Variants in CRIM1 observed in about 807,000 individuals in gnomAD.
The protein encoded by CRIM1 is cysteine rich transmembrane BMP regulator 1, also known as cysteine-rich motor neuron 1 protein.
In CRIM1, 32 loss-of-function variants were observed where a neutral mutation model predicts 116.4. That is an observed-to-expected ratio of 0.27 (90% CI 0.21 to 0.37). The LOEUF is 0.37. CRIM1 is among the 10% of genes least tolerant of loss of function. The probability of loss-of-function intolerance (pLI) is 1.00; values close to 1 mark genes in which losing one functional copy is unlikely to be tolerated. For synonymous variants in CRIM1, 590 were observed against 509.2 expected, an observed-to-expected ratio of 1.16 and a Z score of -2.13; for missense variants, 1,331 against 1,354.8, an observed-to-expected ratio of 0.98 and a Z score of 0.28.
chr2:36,356,662 G>T lies in CRIM1; in HGVS notation c.331+39G>T. 1 of 1,564,420 alleles carries T rather than the reference G, an allele frequency of 6.4e-7. No individual in the cohort carries two copies. Among genetic ancestry groups the T allele is most frequent in the Non-Finnish European group, 8.7e-7 (1 of 1,155,602 alleles). On this transcript the variant is annotated intron_variant, in intron 1 of 16. Coordinates refer to ENST00000280527, the MANE Select transcript of CRIM1 (RefSeq NM_016441.3). The surrounding 1 kb of genome is among the most constrained non-coding windows in gnomAD (Gnocchi z 4.3). Reference sequence around the variant, plus strand: ...CTGCGGGCCCCCTCCCACCTGGCCTGCGCCGCCCCCTCGGCGCTGGTTGTG... The same window carrying T: ...CTGCGGGCCCCCTCCCACCTGGCCTTCGCCGCCCCCTCGGCGCTGGTTGTG...
chr2:36,404,248 TTTAA>T (rs762147445), intron 2 of CRIM1, among the ~76,000 whole-genome samples: 1 of 152,202 alleles, frequency 6.6e-6, no homozygotes, highest in Non-Finnish European at 1.5e-5. Context: ...AATACATTAT[TTTAA>T]TTAATTGTTA....
intron 1 of CRIM1, among the ~76,000 whole-genome samples, chr2:36,357,265 A>C (rs566919976): frequency 3.9e-5 from 6 of 152,240 alleles, no homozygotes; most frequent in African/African-American, 1.4e-4. Flanking sequence ...AAACGGTCAA[A>C]GGCTTTCTCT....
chr2:36,485,085 C>A (rs1679716783), intron 7 of CRIM1, among the ~76,000 whole-genome samples: 1 of 152,192 alleles, frequency 6.6e-6, no homozygotes, highest in Non-Finnish European at 1.5e-5. Context: ...ATCAGATACC[C>A]AGCTGAGTTT....
chr2:36,437,876 G>A (rs905463072), intron 2 of CRIM1, among the ~76,000 whole-genome samples: 18 of 151,984 alleles, frequency 1.2e-4, no homozygotes, highest in African/African-American at 3.4e-4. Context: ...GCTCACTCCT[G>A]TAATCCCAGC....
At chr2:36,428,715 C>T (rs1674645302) in intron 2 of CRIM1, among the ~76,000 whole-genome samples, 1 of 152,136 alleles carries the variant, frequency 6.6e-6, no homozygotes, top group Admixed American at 6.5e-5. Context: ...ACACATATTA[C>T]TTGTTTGAGT....
At chr2:36,428,092 A>G (rs1384752524) in intron 2 of CRIM1, among the ~76,000 whole-genome samples, 1 of 152,232 alleles carries the variant, frequency 6.6e-6, no homozygotes, top group African/African-American at 2.4e-5. Context: ...GCAATTTTAA[A>G]TATTATGTAA....
At chr2:36,454,700 A>G (rs1677005404) in intron 4 of CRIM1, among the ~76,000 whole-genome samples, 1 of 152,144 alleles carries the variant, frequency 6.6e-6, no homozygotes, top group Non-Finnish European at 1.5e-5. Context: ...AAACTGGCAT[A>G]CTTCACGTAA....
intron 2 of CRIM1, among the ~76,000 whole-genome samples, chr2:36,412,203 C>T (rs1345714653): frequency 6.7e-6 from 1 of 149,542 alleles, no homozygotes; most frequent in Non-Finnish European, 1.5e-5. Context: ...GAAACATTCT[C>T]AGTAAATAAC....
rs548225109 is a variant in CRIM1 at position 36,403,186 on chromosome 2, G to GA, written c.505+6400dup. On this transcript the variant is annotated intron_variant, in intron 2 of 16. Transcript: ENST00000280527. The stretch of plus-strand genomic sequence containing the variant: ...GCTGCATCACACATCACATGGGTTA[G>GA]ATTGGTGTAGAATATGTGGAACCTA... Among the ~76,000 whole-genome samples, 22 of 152,310 alleles carry GA rather than the reference G, an allele frequency of 1.4e-4. No homozygotes were observed. In the East Asian group the frequency reaches 4.0e-3, roughly 28 times the overall value.
chr2:36,457,172 G>A (rs1447485733), intron 4 of CRIM1, among the ~76,000 whole-genome samples: 1 of 151,842 alleles, frequency 6.6e-6, no homozygotes, highest in Non-Finnish European at 1.5e-5. Flanking sequence ...TATTTCCATA[G>A]GTTTTTGGGA....
chr2:36,541,309 T>G (rs569528121), intron 14 of CRIM1, among the ~76,000 whole-genome samples: 1 of 152,330 alleles, frequency 6.6e-6, no homozygotes, highest in African/African-American at 2.4e-5. Context: ...TGCTTCTTCC[T>G]TTAGACATAG....
intron 5 of CRIM1, among the ~76,000 whole-genome samples, chr2:36,475,942 T>C (rs1445476393): frequency 6.6e-6 from 1 of 152,192 alleles, no homozygotes; most frequent in Non-Finnish European, 1.5e-5. Flanking sequence ...GGTCATGGTG[T>C]ATAATTTTGT....
At chr2:36,426,821 T>A (rs1674482388) in intron 2 of CRIM1, among the ~76,000 whole-genome samples, 1 of 152,196 alleles carries the variant, frequency 6.6e-6, no homozygotes, top group South Asian at 2.1e-4. Flanking sequence ...TTTTTAATTA[T>A]AACATGGACA....
At chr2:36,439,037 T>A (rs1175396902) in intron 2 of CRIM1, among the ~76,000 whole-genome samples, 1 of 152,226 alleles carries the variant, frequency 6.6e-6, no homozygotes, top group African/African-American at 2.4e-5. Flanking sequence ...TTTAAGCTGC[T>A]TATTGGATAT....
intron 2 of CRIM1, among the ~76,000 whole-genome samples, chr2:36,424,183 A>G (rs987194272): frequency 1.3e-5 from 2 of 152,244 alleles, no homozygotes; most frequent in African/African-American, 4.8e-5. Flanking sequence ...ATAATTAATG[A>G]TGCAATGTGA....
intron 8 of CRIM1, among the ~76,000 whole-genome samples, chr2:36,503,185 C>T (rs1266522872): frequency 6.6e-6 from 1 of 152,158 alleles, no homozygotes; most frequent in Non-Finnish European, 1.5e-5. Flanking sequence ...CGATCGTATG[C>T]AACTCTCCTC....
intron 2 of CRIM1, among the ~76,000 whole-genome samples, chr2:36,429,161 T>A (rs1360314568): frequency 6.6e-6 from 1 of 152,196 alleles, no homozygotes; most frequent in Non-Finnish European, 1.5e-5. Context: ...TTTATAGAAT[T>A]AAATTTCATG....
At chr2:36,414,503 C>A (rs1002765573) in intron 2 of CRIM1, among the ~76,000 whole-genome samples, 2 of 152,178 alleles carry the variant, frequency 1.3e-5, no homozygotes, top group Non-Finnish European at 2.9e-5. Context: ...GTTCTAGTCC[C>A]CCCCCGAGCT....
intron 8 of CRIM1, among the ~76,000 whole-genome samples, chr2:36,505,900 G>A (rs1190404896): frequency 2.6e-5 from 4 of 152,186 alleles, no homozygotes; most frequent in South Asian, 4.1e-4. Context: ...CATACCCAGT[G>A]TGGCAGGCTC....
Sources: allele counts gnomAD v4.1 joint callset (sites outside exome capture counted in the v4.1 genomes callset), GRCh38; gene constraint gnomAD v4.1.1; non-coding constraint Gnocchi (gnomAD v3.1); transcripts MANE v1.5; gene names NCBI Gene and HGNC (gene_info 2026-07-23, HGNC 2026-07-21).